Variants in ODAD4 observed in about 807,000 individuals in gnomAD.
ODAD4 encodes the protein outer dynein arm docking complex subunit 4.
Under a neutral mutation model 51.8 loss-of-function variants are expected in ODAD4, and 49 were observed. The observed-to-expected ratio is 0.95, with a 90% CI of 0.75 to 1.20. ODAD4 has a LOEUF of 1.20. Among genes scored for constraint, ODAD4 ranks in the 50% most tolerant of loss-of-function variants. The probability of loss-of-function intolerance (pLI) is 0.00; values close to 1 mark genes in which losing one functional copy is unlikely to be tolerated. For synonymous variants in ODAD4, 235 were observed against 221.3 expected (o/e 1.06, Z -0.55); for missense variants, 590 against 586.5 (o/e 1.01, Z -0.06).
chr17:41,936,122 G>C (rs1384741000), intron 3 of ODAD4, among the ~76,000 whole-genome samples: 1 of 152,194 alleles, frequency 6.6e-6, no homozygotes, highest in Non-Finnish European at 1.5e-5. Flanking sequence ...CGCATACCAA[G>C]GGCTGGCCTT....
rs1555637513 is a variant in ODAD4 at position 41,935,221 on chromosome 17, T to C, written c.119T>C (p.Leu40Pro). The change falls in exon 2 of 12, where the codon CTT becomes CCT. Residue 40 changes from leucine to proline, a missense_variant. Leu to Pro is a moderately conservative substitution (Grantham distance 98). Around this residue, in one of 3 missense-constraint regions of ODAD4, gnomAD observed 360 missense variants for 407.5 expected, o/e 0.88. Coordinates refer to ENST00000377540, the MANE Select transcript of ODAD4 (RefSeq NM_031421.5). ...SKAAQSFSNA[L>P]YLQDGDKNCL... Reference sequence around the variant, plus strand: ...CCTGACTGGTTTCTTTGTCAGGCTCTTTACCTTCAGGATGGAGACAAGAAC... The same window carrying C: ...CCTGACTGGTTTCTTTGTCAGGCTCCTTACCTTCAGGATGGAGACAAGAAC... 1 of 1,613,936 alleles carries C rather than the reference T, an allele frequency of 6.2e-7. No homozygotes were observed. Among genetic ancestry groups the C allele is most frequent in the South Asian group, 1.1e-5 (1 of 91,068 alleles).
At chr17:41,948,204 C>T (rs2050611663) in intron 8 of ODAD4, among the ~76,000 whole-genome samples, 1 of 151,954 alleles carries the variant, frequency 6.6e-6, no homozygotes, top group African/African-American at 2.4e-5. Context: ...GTCTCACCAC[C>T]CAAAGACAAG....
intron 1 of ODAD4, among the ~76,000 whole-genome samples, chr17:41,934,343 T>TTTTTG (rs1214264239): frequency 4.6e-5 from 7 of 151,094 alleles, no homozygotes; most frequent in African/African-American, 9.7e-5. Context: ...ACCCGGCCTC[T>TTTTTG]TTTTGTTTTG....
At chr17:41,934,264 C>T (rs1297117587) in intron 1 of ODAD4, among the ~76,000 whole-genome samples, 2 of 151,962 alleles carry the variant, frequency 1.3e-5, no homozygotes, top group Non-Finnish European at 2.9e-5. Context: ...TGGTCTCAAA[C>T]TCCTGACTTC....
chr17:41,937,573 C>A (rs193239234), intron 5 of ODAD4, among the ~76,000 whole-genome samples: 1 of 152,122 alleles, frequency 6.6e-6, no homozygotes, highest in East Asian at 1.9e-4. Flanking sequence ...TGGGTTAAAG[C>A]GATTCTCCTG....
intron 9 of ODAD4, among the ~76,000 whole-genome samples, chr17:41,953,339 G>A (rs2050684088): frequency 6.6e-6 from 1 of 151,920 alleles, no homozygotes; most frequent in African/African-American, 2.4e-5. Flanking sequence ...GATTACAGGT[G>A]TGAGCCACCG....
rs1401710731 is a variant in ODAD4 at position 41,935,301 on chromosome 17, C to T, written c.199C>T (p.Leu67=). 1 of 1,613,964 alleles carries T rather than the reference C, an allele frequency of 6.2e-7. No homozygotes were observed. The part of the protein sequence containing the change: ...FLKMGDLERS[L]KDAEASLQSD... ...GAAGATGGGAGACTTGGAGAGATCC[C>T]TGAAGGATGCTGAGGCTTCGCTCCA... The change falls in exon 2 of 12, where the codon CTG becomes TTG. Residue 67 remains leucine, a synonymous_variant. Coordinates refer to ENST00000377540, the MANE Select transcript of ODAD4 (RefSeq NM_031421.5).
intron 9 of ODAD4, among the ~76,000 whole-genome samples, chr17:41,953,609 A>C (rs1555640558): frequency 1.3e-5 from 2 of 151,834 alleles, no homozygotes; most frequent in African/African-American, 4.8e-5. Context: ...GTAGTTCGAG[A>C]CCAGGCTGGG....
chr17:41,964,101 C>T (rs746849859), intron 11 of ODAD4, among the ~76,000 whole-genome samples: 10 of 149,656 alleles, frequency 6.7e-5, no homozygotes, highest in Non-Finnish European at 1.2e-4. Context: ...GCTCTTGTTG[C>T]CCAGGCTGGA....
intron 7 of ODAD4, among the ~76,000 whole-genome samples, chr17:41,943,811 ATAGACC>A (rs1440028081): frequency 3.3e-5 from 5 of 152,140 alleles, no homozygotes; most frequent in Non-Finnish European, 4.4e-5. Context: ...TCTTGAGCAT[ATAGACC>A]TAGTTACTCA....
intron 7 of ODAD4, among the ~76,000 whole-genome samples, chr17:41,944,445 C>CA (rs879985039): frequency 0.056 from 195 of 3,488 alleles, 2 homozygotes; most frequent in Middle Eastern, 0.17. Context: ...CACACACACA[C>CA]CCCCCCGCAT....
At position 41,966,243 on chromosome 17, in the gene ODAD4, T is replaced by C. The variant is rs1314336988; in HGVS notation, c.*760T>C. ...TTAGGATTTCACTCCGTTACTCATC[T>C]GTCCCTTTGGCCATTGCCATCCTGG... On this transcript the variant is annotated 3_prime_UTR_variant, in exon 12 of 12. Coordinates refer to ENST00000377540, the MANE Select transcript of ODAD4 (RefSeq NM_031421.5). Among the ~76,000 whole-genome samples the C allele has an allele frequency of 1.3e-5, 2 of 152,226 alleles. No individual in the cohort carries two copies. The highest frequency in any genetic ancestry group is 2.4e-5 in the African/African-American group (1 of 41,456).
At chr17:41,951,471 A>G (rs1023322076) in intron 9 of ODAD4, among the ~76,000 whole-genome samples, 3 of 134,518 alleles carry the variant, frequency 2.2e-5, no homozygotes, top group Non-Finnish European at 4.9e-5. Context: ...AAGGCGTCTC[A>G]CTCTGTTGCC....
At chr17:41,941,064 G>C (rs1417063102) in intron 7 of ODAD4, among the ~76,000 whole-genome samples, 1 of 152,182 alleles carries the variant, frequency 6.6e-6, no homozygotes, top group South Asian at 2.1e-4. Context: ...TGACAGGCGT[G>C]AGCCACTGCG....
chr17:41,942,554 G>A (rs781790452), intron 7 of ODAD4, among the ~76,000 whole-genome samples: 8 of 152,202 alleles, frequency 5.3e-5, no homozygotes, highest in African/African-American at 9.7e-5. Flanking sequence ...GATCCACTCC[G>A]ACGGGCTGTG....
intron 1 of ODAD4, 54 bp from the exon 2 acceptor site, chr17:41,935,163 A>G: frequency 6.2e-7 from 1 of 1,609,806 alleles, no homozygotes. Flanking sequence ...TTCCCACTCC[A>G]GCTTCTACCT....
intron 8 of ODAD4, among the ~76,000 whole-genome samples, chr17:41,948,086 C>T (rs1473059985): frequency 6.6e-6 from 1 of 151,534 alleles, no homozygotes; most frequent in African/African-American, 2.4e-5. Flanking sequence ...CCATTGCACT[C>T]CAGACTGGGC....
chr17:41,955,337 G>A lies in ODAD4; in HGVS notation c.1443+20G>A, dbSNP rs782503392. ...ATCAGTGTGAGCCTTTCCACCCGCC[G>A]GGCTTCGGGTGTCAGGAGTGGGGTT... On this transcript the variant is annotated intron_variant, in intron 10 of 11. Coordinates refer to ENST00000377540, the MANE Select transcript of ODAD4 (RefSeq NM_031421.5). The A allele has an allele frequency of 1.2e-5, 9 of 763,298 alleles. No homozygotes were observed. Among genetic ancestry groups the A allele is most frequent in the South Asian group, 5.5e-5 (4 of 72,104 alleles). 47.3% of individuals were successfully genotyped at this position (763,298 alleles called of 1,614,324 possible).
intron 9 of ODAD4, among the ~76,000 whole-genome samples, chr17:41,952,821 C>T (rs1459458784): frequency 6.6e-6 from 1 of 152,020 alleles, no homozygotes; most frequent in Non-Finnish European, 1.5e-5. Context: ...TCACTGCAGC[C>T]TCAACCTCCC....
Sources: allele counts gnomAD v4.1 joint callset (sites outside exome capture counted in the v4.1 genomes callset), GRCh38; gene constraint gnomAD v4.1.1; regional missense constraint gnomAD v4.1.1; transcripts MANE v1.5; gene names NCBI Gene and HGNC (gene_info 2026-07-23, HGNC 2026-07-21).